The following PBRM1 variants were observed in gnomAD, a reference collection of about 807,000 sequenced individuals.
PBRM1 encodes the protein polybromo 1, also known as protein polybromo-1.
PBRM1 carries 27 observed loss-of-function variants against 194.5 expected under a neutral mutation model. That is an observed-to-expected ratio of 0.14 (90% CI 0.10 to 0.19). The LOEUF is 0.19. Among genes scored for constraint, PBRM1 ranks in the 10% least tolerant of loss-of-function variants. The pLI is 1.00. For synonymous variants in PBRM1, 655 were observed against 693.2 expected, an observed-to-expected ratio of 0.94 and a Z score of 0.87; for missense variants, 1,466 against 2,077.2, an observed-to-expected ratio of 0.71 and a Z score of 5.72.
intron 24 of PBRM1, among the ~76,000 whole-genome samples, chr3:52,562,586 C>T (rs184954308): frequency 1.1e-3 from 165 of 148,494 alleles, no homozygotes; most frequent in Middle Eastern, 3.4e-3. Context: ...GTTCTGTCAC[C>T]AGGCTGGAGT....
intron 10 of PBRM1, among the ~76,000 whole-genome samples, 181 bp from the exon 12 acceptor site, chr3:52,634,996 G>T (rs573864435): frequency 6.6e-6 from 1 of 152,258 alleles, no homozygotes; most frequent in South Asian, 2.1e-4. Flanking sequence ...TGCGATCTTG[G>T]CTCCCTGCAG....
chr3:52,557,224 G>A (rs1336240207), intron 26 of PBRM1, among the ~76,000 whole-genome samples: 4 of 152,206 alleles, frequency 2.6e-5, no homozygotes, highest in Non-Finnish European at 4.4e-5. Context: ...ATGTGCTTTG[G>A]CGAGTGCAAC....
intron 12 of PBRM1, 138 bp from the exon 14 acceptor site, chr3:52,627,508 T>C: frequency 3.4e-6 from 2 of 590,010 alleles, no homozygotes; most frequent in Non-Finnish European, 6.0e-6. Flanking sequence ...GAAAGAGTCA[T>C]TAAACATTTT....
intron 22 of PBRM1, among the ~76,000 whole-genome samples, chr3:52,568,588 T>G (rs184628089): frequency 2.0e-5 from 3 of 152,186 alleles, no homozygotes; most frequent in Non-Finnish European, 4.4e-5. Flanking sequence ...TTTAATTTTA[T>G]GTTTATTTAA....
At chr3:52,605,216 TTAAAA>T (rs2094270156) in intron 16 of PBRM1, among the ~76,000 whole-genome samples, 1 of 152,126 alleles carries the variant, frequency 6.6e-6, no homozygotes, top group African/African-American at 2.4e-5. Flanking sequence ...CTGGCTAATT[TTAAAA>T]TTTTTTGTAG....
chr3:52,673,907 C>G (rs949505188), intron 2 of PBRM1, among the ~76,000 whole-genome samples: 1 of 150,962 alleles, frequency 6.6e-6, no homozygotes, highest in South Asian at 2.1e-4. Flanking sequence ...AAAAATTAGC[C>G]AGGCATGGTG....
intron 16 of PBRM1, among the ~76,000 whole-genome samples, chr3:52,604,382 C>T (rs1316785129): frequency 1.3e-5 from 2 of 152,200 alleles, no homozygotes; most frequent in East Asian, 3.8e-4. Context: ...ATACCCAGAA[C>T]TTTTCTGAGT....
chr3:52,570,950 TG>T (rs2086910042), intron 22 of PBRM1, among the ~76,000 whole-genome samples: 1 of 151,616 alleles, frequency 6.6e-6, no homozygotes, highest in South Asian at 2.1e-4. Flanking sequence ...CTTGAACTCC[TG>T]GTGTCAAGCG....
chr3:52,628,352 C>T (rs1490834489), intron 12 of PBRM1, among the ~76,000 whole-genome samples: 1 of 147,856 alleles, frequency 6.8e-6, no homozygotes, highest in Non-Finnish European at 1.5e-5. Context: ...CTCTATATGG[C>T]CATGACAACT....
chr3:52,621,913 G>A (rs1411650722), intron 13 of PBRM1, among the ~76,000 whole-genome samples: 1 of 152,068 alleles, frequency 6.6e-6, no homozygotes, highest in African/African-American at 2.4e-5. Context: ...AGGCATGGTG[G>A]CACATGCCTG....
rs185194655 is a variant in PBRM1, at chr3:52,643,702, T to G, written c.900-359A>C. 2.0e-3 allele frequency among the ~76,000 whole-genome samples: 302 copies of G among 152,342 alleles called. 1 individual carries two copies. Among genetic ancestry groups the G allele is most frequent in the Admixed American group, 0.012 (184 of 15,302 alleles). On this transcript the variant is annotated intron_variant, in intron 8 of 29. Transcript: ENST00000296302. ...AGATCACAGTCCTGGCCGGGCGCAGTGGCTCACGCCTGTAATCCCAGCACT... is the reference window on the plus strand; with the variant it reads ...AGATCACAGTCCTGGCCGGGCGCAGGGGCTCACGCCTGTAATCCCAGCACT...
At chr3:52,567,548 A>G (rs2153563655) in intron 22 of PBRM1, among the ~76,000 whole-genome samples, 1 of 133,084 alleles carries the variant, frequency 7.5e-6, no homozygotes, top group Middle Eastern at 4.5e-3. Context: ...GATCTTTGAC[A>G]ATTTGATAGG....
intron 29 of PBRM1, among the ~76,000 whole-genome samples, chr3:52,549,039 T>C (rs1428496677): frequency 6.6e-6 from 1 of 151,644 alleles, no homozygotes; most frequent in South Asian, 2.1e-4. Flanking sequence ...TTTTTTTTTT[T>C]AGACAGAGTC....
At chr3:52,661,320 T>C (rs2096720572) in intron 4 of PBRM1, among the ~76,000 whole-genome samples, 1 of 152,296 alleles carries the variant, frequency 6.6e-6, no homozygotes, top group Middle Eastern at 3.4e-3. Context: ...CCACCTCGCC[T>C]GGCCATGAAG....
At chr3:52,592,679 T>A (rs574630097) in intron 17 of PBRM1, among the ~76,000 whole-genome samples, 23 of 152,180 alleles carry the variant, frequency 1.5e-4, no homozygotes, top group Non-Finnish European at 2.8e-4. Flanking sequence ...AAAGAATGAG[T>A]TGGGGAGGAG....
chr3:52,585,158 C>A (rs2092169294), intron 20 of PBRM1, among the ~76,000 whole-genome samples: 1 of 152,154 alleles, frequency 6.6e-6, no homozygotes, highest in Non-Finnish European at 1.5e-5. Context: ...ATTTTTGCAT[C>A]AATATACATG....
intron 18 of PBRM1, 79 bp from the exon 21 acceptor site, chr3:52,587,589 T>TA: frequency 9.4e-7 from 1 of 1,058,892 alleles, no homozygotes; most frequent in Non-Finnish European, 1.3e-6. Context: ...TTTTTTTTTT[T>TA]TAAAGAGACT....
At chr3:52,568,562 T>C (rs2086070525) in intron 22 of PBRM1, among the ~76,000 whole-genome samples, 1 of 152,156 alleles carries the variant, frequency 6.6e-6, no homozygotes, top group South Asian at 2.1e-4. Context: ...CATGGTTTCT[T>C]TTGGTATCTT....
At chr3:52,616,659 C>T (rs966646057) in intron 14 of PBRM1, among the ~76,000 whole-genome samples, 4 of 152,216 alleles carry the variant, frequency 2.6e-5, no homozygotes, top group Non-Finnish European at 5.9e-5. Context: ...CGCCACTGCA[C>T]TCCAGCCTGG....
Sources: allele counts gnomAD v4.1 joint callset (sites outside exome capture counted in the v4.1 genomes callset), GRCh38; gene constraint gnomAD v4.1.1; transcripts MANE v1.5; gene names NCBI Gene and HGNC (gene_info 2026-07-23, HGNC 2026-07-21).